The following PDE1A variants were observed in gnomAD, a reference collection of about 807,000 sequenced individuals.
The protein encoded by PDE1A is dual specificity calcium/calmodulin-dependent 3',5'-cyclic nucleotide phosphodiesterase 1A.
PDE1A carries 35 observed loss-of-function variants against 61.7 expected under a neutral mutation model. The observed-to-expected ratio is 0.57, with a 90% confidence interval of 0.43 to 0.75. The LOEUF is 0.75. Ranked by LOEUF, PDE1A falls within the 30% of genes least tolerant of loss-of-function variation. The probability of loss-of-function intolerance (pLI) is 0.00; values close to 1 mark genes in which losing one functional copy is unlikely to be tolerated. For missense variants in PDE1A, 597 were observed against 630.6 expected, an observed-to-expected ratio of 0.95 and a Z score of 0.57; for synonymous variants, 232 against 213.2, an observed-to-expected ratio of 1.09 and a Z score of -0.77.
intron 2 of PDE1A, among the ~76,000 whole-genome samples, chr2:182,458,808 A>G (rs1230428190): frequency 6.6e-6 from 1 of 152,080 alleles, no homozygotes; most frequent in East Asian, 1.9e-4. Flanking sequence ...CTGGACAGCA[A>G]AAACAACTTA....
chr2:182,479,842 T>G (rs1370639436), intron 2 of PDE1A, among the ~76,000 whole-genome samples: 2 of 151,832 alleles, frequency 1.3e-5, no homozygotes, highest in Non-Finnish European at 2.9e-5. Flanking sequence ...GGTAAAAGAC[T>G]TTACCTGCAG....
intron 2 of PDE1A, among the ~76,000 whole-genome samples, chr2:182,499,173 GTTTTTT>G (rs545033513): frequency 2.6e-5 from 2 of 77,306 alleles, no homozygotes; most frequent in African/African-American, 6.1e-5. Flanking sequence ...TCTTTTTCTT[GTTTTTT>G]TTTTTTTTTT....
chr2:182,251,311 A>T (rs1172766321), intron 2 of PDE1A, among the ~76,000 whole-genome samples: 1 of 152,180 alleles, frequency 6.6e-6, no homozygotes, highest in Admixed American at 6.5e-5. Context: ...GCACAAAGTT[A>T]TCTCATTTAC....
chr2:182,527,956 A>G (rs558836667), upstream of PDE1A, among the ~76,000 whole-genome samples: 1 of 152,242 alleles, frequency 6.6e-6, no homozygotes, highest in South Asian at 2.1e-4. Context: ...TGGAACTGTG[A>G]GTCCATTAAA....
the PDE1A span, among the ~76,000 whole-genome samples, chr2:182,561,823 G>C: frequency 1.3e-5 from 2 of 152,084 alleles, no homozygotes; most frequent in Non-Finnish European, 2.9e-5. Flanking sequence ...AAGCAATTGT[G>C]AATGGGAGTT....
chr2:182,328,316 C>A (rs1697178864), intron 1 of PDE1A, among the ~76,000 whole-genome samples: 1 of 152,090 alleles, frequency 6.6e-6, no homozygotes, highest in Admixed American at 6.6e-5. Context: ...ATGACACCAC[C>A]AAAGTGCTGG....
At chr2:182,400,395 T>C (rs1701936865) in intron 1 of PDE1A, among the ~76,000 whole-genome samples, 1 of 152,200 alleles carries the variant, frequency 6.6e-6, no homozygotes, top group Non-Finnish European at 1.5e-5. Flanking sequence ...TACATTACAA[T>C]AATTTCAAGA....
intron 2 of PDE1A, among the ~76,000 whole-genome samples, chr2:182,481,085 A>C (rs1687673740): frequency 6.6e-6 from 1 of 151,916 alleles, no homozygotes; most frequent in South Asian, 2.1e-4. Flanking sequence ...TATAAGGGTC[A>C]TACTTTAAAA....
chr2:182,326,367 T>C (rs1436768785), intron 1 of PDE1A, among the ~76,000 whole-genome samples: 2 of 152,210 alleles, frequency 1.3e-5, no homozygotes, highest in African/African-American at 4.8e-5. Context: ...ATGCATACAA[T>C]GAAATATTAT....
chr2:182,201,021 T>C (rs1445035345), intron 10 of PDE1A, among the ~76,000 whole-genome samples: 2 of 152,188 alleles, frequency 1.3e-5, no homozygotes, highest in East Asian at 1.9e-4. Context: ...CAGTTAGGCA[T>C]GTGTCCACCC....
intron 2 of PDE1A, among the ~76,000 whole-genome samples, chr2:182,433,765 C>T (rs539197087): frequency 6.6e-6 from 1 of 152,150 alleles, no homozygotes; most frequent in African/African-American, 2.4e-5. Context: ...CCTCGTGTAC[C>T]TGTACCCTTC....
At chr2:182,446,753 T>C (rs144729564) in intron 2 of PDE1A, among the ~76,000 whole-genome samples, 69 of 152,212 alleles carry the variant, frequency 4.5e-4, no homozygotes, top group Admixed American at 7.2e-4. Context: ...CAGCCTTCTC[T>C]GGTAGAGAAT....
chr2:182,249,740 C>A (rs912358901), intron 2 of PDE1A, among the ~76,000 whole-genome samples: 1 of 148,966 alleles, frequency 6.7e-6, no homozygotes, highest in African/African-American at 2.5e-5. Context: ...AACCCCCCCC[C>A]CAAAAAAAAC....
chr2:182,508,106 ATTC>A (rs1251722289), intron 2 of PDE1A, among the ~76,000 whole-genome samples: 3 of 151,498 alleles, frequency 2.0e-5, no homozygotes, highest in African/African-American at 7.3e-5. Context: ...AATGGTTAGA[ATTC>A]TTTTTTTTTT....
chr2:182,342,268 AT>A (rs1455437688), intron 1 of PDE1A, among the ~76,000 whole-genome samples: 2 of 152,060 alleles, frequency 1.3e-5, no homozygotes, highest in African/African-American at 4.8e-5. Context: ...TTTATATAGT[AT>A]TTTTTGTTTC....
At chr2:182,375,619 G>C (rs1036778887) in intron 1 of PDE1A, among the ~76,000 whole-genome samples, 2 of 152,194 alleles carry the variant, frequency 1.3e-5, no homozygotes, top group African/African-American at 2.4e-5. Flanking sequence ...CAAAGTGCAA[G>C]CTGTAGGTGC....
chr2:182,201,663 A>AAC (rs1553535416), intron 9 of PDE1A, 25 bp downstream of exon 9: 1 of 1,517,994 alleles, frequency 6.6e-7, no homozygotes, highest in Non-Finnish European at 8.9e-7. Context: ...AAAAAAAAAA[A>AAC]CAACAAAAAA....
chr2:182,342,280 T>C (rs1698236036), intron 1 of PDE1A, among the ~76,000 whole-genome samples: 1 of 152,198 alleles, frequency 6.6e-6, no homozygotes, highest in Non-Finnish European at 1.5e-5. Flanking sequence ...TTTTTGTTTC[T>C]TAAATTTTAA....
chr2:182,687,279 C>A, the PDE1A span, among the ~76,000 whole-genome samples: 6 of 152,166 alleles, frequency 3.9e-5, no homozygotes, highest in Admixed American at 3.9e-4. Flanking sequence ...TGGGAGGCAC[C>A]CCCCAGTAGG....
Sources: gnomAD v4.1 joint callset for allele counts (sites outside exome capture counted in the v4.1 genomes callset) on GRCh38, gnomAD v4.1.1 for gene constraint, MANE v1.5 for transcripts, NCBI Gene and HGNC (gene_info 2026-07-23, HGNC 2026-07-21) for gene names.